Variants in NRXN3 observed in about 807,000 individuals in gnomAD.
NRXN3 encodes the protein neurexin III.
A neutral mutation model predicts 137.6 loss-of-function variants in NRXN3; 32 were observed. The ratio of observed to expected loss-of-function variants is 0.23; its 90% CI spans 0.18 to 0.31. The LOEUF is 0.31. Ranked by LOEUF, NRXN3 falls within the 10% of genes least tolerant of loss-of-function variation. The pLI is 1.00. For missense variants in NRXN3, 1,574 were observed against 2,062.5 expected (o/e 0.76, Z 4.59); for synonymous variants, 798 against 784.5 (o/e 1.02, Z -0.29).
intron 17 of NRXN3, among the ~76,000 whole-genome samples, chr14:79,677,476 G>C (rs956538581): frequency 6.6e-6 from 1 of 152,054 alleles, no homozygotes; most frequent in African/African-American, 2.4e-5. Context: ...TTTACAAAAT[G>C]AATAGCTGGA....
chr14:78,841,163 A>G (rs1350308172), intron 10 of NRXN3, among the ~76,000 whole-genome samples: 2 of 152,090 alleles, frequency 1.3e-5, no homozygotes, highest in Non-Finnish European at 2.9e-5. Context: ...ACTTGTTTTG[A>G]TCGAGCTGAG....
At chr14:79,320,044 T>G (rs1412279113) in intron 15 of NRXN3, among the ~76,000 whole-genome samples, 1 of 152,186 alleles carries the variant, frequency 6.6e-6, no homozygotes, top group Non-Finnish European at 1.5e-5. Flanking sequence ...AATATAAAAT[T>G]ACAGCCATAC....
At chr14:78,211,970 G>A (rs1027330674) in intron 1 of NRXN3, among the ~76,000 whole-genome samples, 4 of 152,172 alleles carry the variant, frequency 2.6e-5, no homozygotes, top group Non-Finnish European at 5.9e-5. Flanking sequence ...TTAGGGTCTG[G>A]GGGTGTCCTT....
chr14:79,735,851 A>C (rs1366903306), intron 19 of NRXN3, among the ~76,000 whole-genome samples: 1 of 152,176 alleles, frequency 6.6e-6, no homozygotes, highest in African/African-American at 2.4e-5. Flanking sequence ...GCCCCAGTTC[A>C]AGCTTCCTTC....
intron 8 of NRXN3, among the ~76,000 whole-genome samples, chr14:78,729,142 A>G (rs1290248283): frequency 6.6e-6 from 1 of 152,172 alleles, no homozygotes; most frequent in Non-Finnish European, 1.5e-5. Flanking sequence ...CTCTCTTTTA[A>G]TTTTTAGAGC....
chr14:78,987,922 C>T (rs1323757501), intron 14 of NRXN3, 100 bp from the exon 15 acceptor site: 1 of 1,316,990 alleles, frequency 7.6e-7, no homozygotes, highest in African/African-American at 1.5e-5. Flanking sequence ...TGTTTGGGGG[C>T]ATGAGAATGG....
At chr14:78,467,187 C>T (rs2095133476) in intron 4 of NRXN3, among the ~76,000 whole-genome samples, 1 of 152,152 alleles carries the variant, frequency 6.6e-6, no homozygotes, top group South Asian at 2.1e-4. Flanking sequence ...GACTGTGCCT[C>T]ATGCCATGGT....
At chr14:79,572,322 C>G (rs935407553) in intron 16 of NRXN3, among the ~76,000 whole-genome samples, 2 of 152,148 alleles carry the variant, frequency 1.3e-5, no homozygotes, top group Admixed American at 6.5e-5. Context: ...GTAGTATCTG[C>G]AAATAATATA....
In NRXN3 at chr14:78,270,953, C is replaced by G. The variant is rs531692497; in HGVS notation, c.710-7692C>G. Among the ~76,000 whole-genome samples the G allele has an allele frequency of 2.0e-5, 3 of 152,336 alleles. No homozygotes were observed. In the South Asian group the frequency reaches 6.2e-4, roughly 32 times the overall value. On this transcript the variant is annotated intron_variant, in intron 2 of 20. Transcript: ENST00000335750. ...CAGAAGCAAGCTGTGTAGGAACACT[C>G]AAAGTGCACACATCTCAAACTTGTA...
intron 1 of NRXN3, among the ~76,000 whole-genome samples, chr14:78,182,342 C>T (rs80341066): frequency 0.016 from 2,387 of 152,150 alleles, 61 homozygotes; most frequent in African/African-American, 0.053. Context: ...AACATCCCAC[C>T]GAGATGTTTT....
chr14:79,617,753 C>T (rs221508), intron 16 of NRXN3, among the ~76,000 whole-genome samples: 50,715 of 151,604 alleles, frequency 0.33, 11,406 homozygotes, highest in African/African-American at 0.65. Flanking sequence ...ATGAGACTGA[C>T]GAAGTGACGT....
chr14:79,271,762 C>T (rs1014703995), intron 15 of NRXN3, among the ~76,000 whole-genome samples: 1 of 152,040 alleles, frequency 6.6e-6, no homozygotes, highest in African/African-American at 2.4e-5. Flanking sequence ...GATGATTCCA[C>T]CCCTCATTGA....
intron 15 of NRXN3, among the ~76,000 whole-genome samples, chr14:79,357,761 G>A (rs2093477669): frequency 6.6e-6 from 1 of 152,086 alleles, no homozygotes; most frequent in Non-Finnish European, 1.5e-5. Context: ...AGAAGAAATG[G>A]CCGTTTCACC....
chr14:79,823,119 T>G (rs900638335), intron 20 of NRXN3, among the ~76,000 whole-genome samples: 5 of 149,538 alleles, frequency 3.3e-5, no homozygotes, highest in African/African-American at 1.2e-4. Flanking sequence ...ATAAGGCATG[T>G]GATCTACATC....
At chr14:78,926,814 T>A (rs1186718195) in intron 10 of NRXN3, among the ~76,000 whole-genome samples, 1 of 50,508 alleles carries the variant, frequency 2.0e-5, no homozygotes, top group South Asian at 4.5e-4. Context: ...TTATATATAT[T>A]ATATATTATA....
At chr14:79,843,605 C>T (rs1240913144) in intron 20 of NRXN3, among the ~76,000 whole-genome samples, 6 of 152,308 alleles carry the variant, frequency 3.9e-5, no homozygotes, top group South Asian at 2.1e-4. Flanking sequence ...TCCTCTCAAA[C>T]TGTGCCTCTA....
At chr14:78,812,063 C>T (rs1159831305) in intron 10 of NRXN3, among the ~76,000 whole-genome samples, 2 of 152,128 alleles carry the variant, frequency 1.3e-5, no homozygotes, top group Non-Finnish European at 2.9e-5. Flanking sequence ...ATTTACCCAT[C>T]ATAAACCTAC....
At chr14:78,668,958 G>GTCTATCTA in intron 6 of NRXN3, among the ~76,000 whole-genome samples, 1 of 151,982 alleles carries the variant, frequency 6.6e-6, no homozygotes, top group Admixed American at 6.5e-5. Flanking sequence ...CTGTCTGTCT[G>GTCTATCTA]TCTATCTATC....
In NRXN3 at chr14:78,491,095, G is replaced by A. The variant is rs571974252; in HGVS notation, c.758-154025G>A. 6.3e-4 allele frequency among the ~76,000 whole-genome samples: 96 copies of A among 152,220 alleles called. No individual in the cohort carries two copies. In the Middle Eastern group the frequency reaches 0.02, roughly 32 times the overall value. On this transcript the variant is annotated intron_variant, in intron 4 of 20. Coordinates refer to ENST00000335750, the MANE Select transcript of NRXN3 (RefSeq NM_001330195.2). ...GGGTCCCCTTGGACCTGCTGCTGCC[G>A]GTCGGCTGGGAAGAGTTATAAAGAA... is the stretch of plus-strand genomic sequence containing the variant.
Sources: allele counts gnomAD v4.1 joint callset (sites outside exome capture counted in the v4.1 genomes callset), GRCh38; gene constraint gnomAD v4.1.1; transcripts MANE v1.5; gene names NCBI Gene and HGNC (gene_info 2026-07-23, HGNC 2026-07-21).